NPC2: variants seen among roughly 807,000 people sequenced by gnomAD.
NPC2 encodes Niemann-Pick disease type C2 protein.
NPC2 carries 14 observed loss-of-function variants against 17.0 expected under a neutral mutation model. The observed-to-expected ratio is 0.82, with a 90% CI of 0.54 to 1.29. The LOEUF is 1.29. Among genes scored for constraint, NPC2 ranks in the 50% most tolerant of loss-of-function variants. The probability of loss-of-function intolerance (pLI) is 0.00; values close to 1 mark genes in which losing one functional copy is unlikely to be tolerated. For synonymous variants in NPC2, 75 were observed against 69.3 expected, an observed-to-expected ratio of 1.08 and a Z score of -0.41; for missense variants, 167 against 183.4, an observed-to-expected ratio of 0.91 and a Z score of 0.52.
rs1390815745 is a variant in NPC2 at position 74,486,340 on chromosome 14, G to A, written c.179C>T (p.Thr60Ile). 1 of 1,597,320 alleles carries A rather than the reference G, an allele frequency of 6.3e-7. No homozygotes were observed. The highest frequency in any genetic ancestry group is 8.5e-7 in the Non-Finnish European group (1 of 1,171,300). ...SKGQSYSVNV[T>I]FTSNIQSKSS... Reference sequence around the variant, plus strand: ...CCACTTTTACGCACTGCTGGTGAAGGTGACATTGACGCTGTAAGACTGTCC... The same window carrying A: ...CCACTTTTACGCACTGCTGGTGAAGATGACATTGACGCTGTAAGACTGTCC... The change falls in exon 2 of 5, where the codon ACC (threonine) becomes ATC (isoleucine). Residue 60 changes from threonine to isoleucine, a missense_variant. Thr to Ile is a moderately conservative substitution (Grantham distance 89, BLOSUM62 -1). Coordinates refer to ENST00000555619, the MANE Select transcript of NPC2 (RefSeq NM_006432.5).
intron 1 of NPC2, among the ~76,000 whole-genome samples, chr14:74,491,935 C>T (rs2086777839): frequency 1.3e-5 from 2 of 152,180 alleles, no homozygotes; most frequent in Non-Finnish European, 2.9e-5. Context: ...TTAGGGGCCA[C>T]GCCGCCTCTG....
chr14:74,483,506 T>C, intron 3 of NPC2: 6 of 1,549,990 alleles, frequency 3.9e-6, no homozygotes, highest in Admixed American at 1.8e-5. Context: ...TCTGCTGCTC[T>C]AGGCCCATAG....
At chr14:74,482,908 G>C (rs1362286771) in intron 3 of NPC2, 2 of 478,962 alleles carry the variant, frequency 4.2e-6, no homozygotes, top group Non-Finnish European at 8.0e-6. Context: ...GGAGGAGGGA[G>C]GAGGGAGGAG....
At chr14:74,481,462 A>G (rs2086655434) in intron 3 of NPC2, among the ~76,000 whole-genome samples, 1 of 152,254 alleles carries the variant, frequency 6.6e-6, no homozygotes, top group South Asian at 2.1e-4. Context: ...CTTTACAACA[A>G]GGCAAATGGA....
At chr14:74,491,254 G>A (rs2086768863) in intron 1 of NPC2, among the ~76,000 whole-genome samples, 1 of 152,030 alleles carries the variant, frequency 6.6e-6, no homozygotes, top group Non-Finnish European at 1.5e-5. Flanking sequence ...TGTATTTTTA[G>A]TAGAGATGGG....
At chr14:74,486,239 C>A in intron 2 of NPC2, 90 bp downstream of exon 2, 2 of 1,157,756 alleles carry the variant, frequency 1.7e-6, no homozygotes, top group Non-Finnish European at 2.5e-6. Context: ...ACTGCCAATT[C>A]CCCTCCCCTC....
At chr14:74,485,879 T>G (rs1208133461) in intron 2 of NPC2, among the ~76,000 whole-genome samples, 1 of 152,240 alleles carries the variant, frequency 6.6e-6, no homozygotes. Context: ...AAGGAGGCTG[T>G]TAAGTATTAG....
Position 74,484,561 on chromosome 14 carries a change from C to T in NPC2, c.217G>A (p.Val73Met), listed in dbSNP as rs747314957. 55 of 1,613,906 alleles carry T rather than the reference C, an allele frequency of 3.4e-5. No individual in the cohort carries two copies. The highest frequency in any genetic ancestry group is 5.3e-5 in the African/African-American group (4 of 74,866). Residue 73 changes from valine (V) to methionine (M), a missense_variant, in exon 3 of 5, where the codon GTG becomes ATG. Val to Met is a conservative substitution (Grantham distance 21, BLOSUM62 1). Transcript: ENST00000555619. ...ACGCCCATCAGGATGCCATGCACCA[C>T]GGCCTTGCTGCTTTTAGACTGAATA... ...SNIQSKSSKA[V>M]VHGILMGVPV...
rs771316119 is a variant in NPC2, at chr14:74,479,958, C to T, written c.*316G>A. 2.9e-5 allele frequency: 38 copies of T among 1,306,230 alleles called. No individual in the cohort carries two copies. In the Admixed American group the frequency reaches 5.1e-4, roughly 18 times the overall value. 80.9% of individuals were successfully genotyped at this position (1,306,230 alleles called of 1,614,324 possible). ...GCCCACATGCAGAAGACAAGACAAA[C>T]GAGTTTTTATTTATTCAAGAGTAAA... On this transcript the variant is annotated 3_prime_UTR_variant, in exon 5 of 5. Transcript: ENST00000555619.
At chr14:74,492,555 G>T (rs556421197) in intron 1 of NPC2, among the ~76,000 whole-genome samples, 8 of 152,154 alleles carry the variant, frequency 5.3e-5, no homozygotes, top group African/African-American at 1.9e-4. Flanking sequence ...CTATAGACTC[G>T]ACTCAATGAA....
chr14:74,489,011 G>C (rs1290123419), intron 1 of NPC2, among the ~76,000 whole-genome samples: 2 of 152,188 alleles, frequency 1.3e-5, no homozygotes. Flanking sequence ...AAAACAACAG[G>C]AAGTACCTTA....
chr14:74,487,481 G>A (rs2086726583), intron 1 of NPC2, among the ~76,000 whole-genome samples: 1 of 151,904 alleles, frequency 6.6e-6, no homozygotes, highest in African/African-American at 2.4e-5. Context: ...TGCCCAGGCT[G>A]GTCTCAAACT....
chr14:74,479,947 GAC>G lies in NPC2; in HGVS notation c.*325_*326del, dbSNP rs2086637329. The G allele has an allele frequency of 7.8e-7, 1 of 1,278,258 alleles. No homozygotes were observed. The highest frequency in any genetic ancestry group is 4.1e-5 in the East Asian group (1 of 24,266). 79.2% of individuals were successfully genotyped at this position (1,278,258 alleles called of 1,614,324 possible). On this transcript the variant is annotated 3_prime_UTR_variant, in exon 5 of 5. Coordinates refer to ENST00000555619, the MANE Select transcript of NPC2 (RefSeq NM_006432.5). ...AGAAGACCACAGCCCACATGCAGAA[GAC>G]AAGACAAACGAGTTTTTATTTATTC...
At chr14:74,487,388 C>T (rs2086725327) in intron 1 of NPC2, among the ~76,000 whole-genome samples, 1 of 151,680 alleles carries the variant, frequency 6.6e-6, no homozygotes, top group Non-Finnish European at 1.5e-5. Flanking sequence ...CCTACTCCAT[C>T]CTCCTGAGTA....
rs1329690048 is a variant in NPC2, at chr14:74,489,043, G to C, written c.83-2607C>G. Among the ~76,000 whole-genome samples the C allele has an allele frequency of 2.0e-5, 3 of 152,208 alleles. No homozygotes were observed. In the East Asian group the frequency reaches 5.8e-4, roughly 29 times the overall value. On this transcript the variant is annotated intron_variant, in intron 1 of 4. Coordinates refer to ENST00000555619, the MANE Select transcript of NPC2 (RefSeq NM_006432.5). ...CTTAAATCTTGACTAAGGTTGTTAA[G>C]ATCTGGATTTTTTCCAAGAATCAAG...
At chr14:74,484,328 A>AC in intron 3 of NPC2, 87 bp downstream of exon 3, 1 of 1,373,484 alleles carries the variant, frequency 7.3e-7, no homozygotes, top group Non-Finnish European at 1.0e-6. Context: ...GGGGCCCTTT[A>AC]CCCCCATCTC....
chr14:74,480,532 ACAGTT>A (rs1311147810), intron 4 of NPC2, 165 bp downstream of exon 4: 5 of 793,938 alleles, frequency 6.3e-6, no homozygotes, highest in African/African-American at 3.4e-5. Context: ...TACAAAGGCA[ACAGTT>A]CTGAGCTCTC....
At chr14:74,480,461 ATC>A in intron 4 of NPC2, 173 bp from the exon 5 acceptor site, 1 of 773,324 alleles carries the variant, frequency 1.3e-6, no homozygotes. Flanking sequence ...AGTTAAATCA[ATC>A]TCTACAGTCT....
intron 1 of NPC2, among the ~76,000 whole-genome samples, chr14:74,488,596 C>G (rs370261689): frequency 3.3e-5 from 5 of 152,274 alleles, no homozygotes; most frequent in East Asian, 3.9e-4. Context: ...CACCTGTAAT[C>G]CCAGCTACTC....
Sources: gnomAD v4.1 joint callset for allele counts (sites outside exome capture counted in the v4.1 genomes callset) on GRCh38, gnomAD v4.1.1 for gene constraint, MANE v1.5 for transcripts, NCBI Gene and HGNC (gene_info 2026-07-23, HGNC 2026-07-21) for gene names.